The following PRUNE2 variants were observed in gnomAD, a reference collection of about 807,000 sequenced individuals.
The protein encoded by PRUNE2 is prune homolog 2 with BCH domain.
PRUNE2 carries 164 observed loss-of-function variants against 252.0 expected under a neutral mutation model. The observed-to-expected ratio is 0.65, with a 90% CI of 0.57 to 0.74. PRUNE2 has a LOEUF of 0.74. PRUNE2 is among the 30% of genes least tolerant of loss of function. The pLI, the probability that PRUNE2 is intolerant of heterozygous loss-of-function variation, is 0.00. For synonymous variants in PRUNE2, 1,292 were observed against 1,350.2 expected (o/e 0.96, Z 0.94); for missense variants, 3,495 against 3,711.0 (o/e 0.94, Z 1.51).
intron 17 of PRUNE2, among the ~76,000 whole-genome samples, chr9:76,620,955 T>C (rs1401977280): frequency 6.6e-6 from 1 of 152,230 alleles, no homozygotes; most frequent in African/African-American, 2.4e-5. Flanking sequence ...TTCAGAAGTA[T>C]AATACTTTCT....
chr9:76,765,910 C>T (rs894377112), intron 6 of PRUNE2, among the ~76,000 whole-genome samples: 1 of 152,090 alleles, frequency 6.6e-6, no homozygotes, highest in Non-Finnish European at 1.5e-5. Flanking sequence ...AGGCCAGACG[C>T]GGTGGCTCAC....
rs1456107413 is a variant in PRUNE2, at chr9:76,705,616, G to C, written c.6658C>G (p.Pro2220Ala). The C allele has an allele frequency of 1.9e-5, 30 of 1,613,994 alleles. No homozygotes were observed. Among genetic ancestry groups the C allele is most frequent in the Non-Finnish European group, 2.5e-5 (29 of 1,179,888 alleles). ...ASPDMAPILE[P>A]VDRRIPRIEN... is the part of the protein sequence containing the mutation. ...ATCCTTGGGATTCTTCTGTCAACTGGTTCCAAAATTGGTGCCATATCTGGG... is the reference window on the plus strand; with the variant it reads ...ATCCTTGGGATTCTTCTGTCAACTGCTTCCAAAATTGGTGCCATATCTGGG... The change falls in exon 8 of 19, where the codon CCA becomes GCA. Residue 2220 changes from proline (P) to alanine (A), a missense_variant. Pro to Ala is a conservative substitution (Grantham distance 27). Coordinates refer to ENST00000376718, the MANE Select transcript of PRUNE2 (RefSeq NM_015225.3).
At chr9:76,666,336 C>T (rs1267075613) in intron 9 of PRUNE2, among the ~76,000 whole-genome samples, 9 of 152,194 alleles carry the variant, frequency 5.9e-5, no homozygotes, top group South Asian at 2.1e-4. Context: ...GGCCTGACAT[C>T]AGTCAGGCTT....
intron 6 of PRUNE2, chr9:76,748,871 G>C (rs1476700326): frequency 6.6e-6 from 1 of 152,336 alleles, no homozygotes; most frequent in Non-Finnish European, 1.5e-5. Flanking sequence ...GTTCAGTACA[G>C]TGGGTGCAGG....
At chr9:76,775,146 G>A (rs2053600171) in intron 6 of PRUNE2, among the ~76,000 whole-genome samples, 1 of 152,198 alleles carries the variant, frequency 6.6e-6, no homozygotes, top group African/African-American at 2.4e-5. Flanking sequence ...TGGTCGGGGG[G>A]AAAGAAAGGA....
intron 1 of PRUNE2, among the ~76,000 whole-genome samples, chr9:76,868,577 C>A (rs1421960578): frequency 6.6e-6 from 1 of 152,124 alleles, no homozygotes; most frequent in African/African-American, 2.4e-5. Flanking sequence ...ATCACATGTA[C>A]ATGATCATTC....
At chr9:76,900,579 G>A (rs143985829) in intron 1 of PRUNE2, among the ~76,000 whole-genome samples, 48 of 152,222 alleles carry the variant, frequency 3.2e-4, no homozygotes, top group East Asian at 2.3e-3. Flanking sequence ...TCATATCACC[G>A]TCCATAGGAA....
chr9:76,806,677 T>TTA (rs1260855995), intron 6 of PRUNE2, among the ~76,000 whole-genome samples: 2 of 149,466 alleles, frequency 1.3e-5, no homozygotes, highest in Admixed American at 1.3e-4. Context: ...CCGGCTAATT[T>TTA]TTTTTTTTTT....
chr9:76,758,524 C>CA (rs1199018073), intron 6 of PRUNE2: 1 of 143,864 alleles, frequency 7.0e-6, no homozygotes, highest in Non-Finnish European at 1.5e-5. Context: ...TTTTTTTAGA[C>CA]AGAGTCTCAC....
At chr9:76,678,674 A>G (rs2043061176) in intron 9 of PRUNE2, among the ~76,000 whole-genome samples, 1 of 151,252 alleles carries the variant, frequency 6.6e-6, no homozygotes, top group South Asian at 2.1e-4. Context: ...CTAAAAATAC[A>G]AAAAATTAGC....
intron 9 of PRUNE2, among the ~76,000 whole-genome samples, chr9:76,662,696 C>T (rs988604710): frequency 6.6e-6 from 1 of 152,162 alleles, no homozygotes; most frequent in African/African-American, 2.4e-5. Flanking sequence ...ACCACTTTTA[C>T]AAGATTGGCC....
rs573308569 is a variant in PRUNE2 at position 76,666,711 on chromosome 9, G to A, written c.8277-11209C>T. Among the ~76,000 whole-genome samples the A allele has an allele frequency of 9.2e-5, 14 of 152,050 alleles. No individual in the cohort carries two copies. The South Asian group carries it at 1.7e-3, about 18-fold the overall frequency. ...ATTCAGGGCCACTACCAGTCTCCGCGTCTTGGTGGTAGTGGTCCCCCGGGC... is the reference window on the plus strand; with the variant it reads ...ATTCAGGGCCACTACCAGTCTCCGCATCTTGGTGGTAGTGGTCCCCCGGGC... On this transcript the variant is annotated intron_variant, in intron 9 of 18. Coordinates refer to ENST00000376718, the MANE Select transcript of PRUNE2 (RefSeq NM_015225.3).
chr9:76,780,416 G>A (rs1014908600), intron 6 of PRUNE2, among the ~76,000 whole-genome samples: 1 of 152,126 alleles, frequency 6.6e-6, no homozygotes, highest in African/African-American at 2.4e-5. Flanking sequence ...GGCCAGGCAC[G>A]ATGGCTCACG....
At chr9:76,822,311 A>C (rs1236968231) in intron 6 of PRUNE2, among the ~76,000 whole-genome samples, 1 of 152,226 alleles carries the variant, frequency 6.6e-6, no homozygotes, top group African/African-American at 2.4e-5. Context: ...GGTGCCACCA[A>C]ACATCACAGT....
rs753655880 is a variant in PRUNE2 at position 76,704,875 on chromosome 9, C to T, written c.7399G>A (p.Val2467Ile). ...GAGCCTGCTCCTACCGGCAAATAAA[C>T]GGACTCAGGGTCTTCACGAATATGC... ...VLHIREDPESVYLPVGAGSNI... is the reference protein window; with the variant it reads ...VLHIREDPESIYLPVGAGSNI... The change falls in exon 8 of 19, where the codon GTT (valine) becomes ATT (isoleucine). Residue 2467 changes from valine to isoleucine, a missense_variant. By Grantham distance (29) the Val-to-Ile change is conservative. Coordinates refer to ENST00000376718, the MANE Select transcript of PRUNE2 (RefSeq NM_015225.3). The T allele has an allele frequency of 2.0e-5, 32 of 1,606,862 alleles. No individual in the cohort carries two copies. The highest frequency in any genetic ancestry group is 8.5e-5 in the Admixed American group (5 of 59,012).
chr9:76,872,209 A>G (rs929683972), intron 1 of PRUNE2, among the ~76,000 whole-genome samples: 1 of 151,190 alleles, frequency 6.6e-6, no homozygotes, highest in African/African-American at 2.4e-5. Context: ...GCACATTCAA[A>G]CCCTCCCCAC....
chr9:76,691,967 C>T, intron 9 of PRUNE2: 1 of 672,362 alleles, frequency 1.5e-6, no homozygotes, highest in Non-Finnish European at 2.8e-6. Context: ...CCCGTCTCCC[C>T]CGCCAACTTC....
intron 1 of PRUNE2, among the ~76,000 whole-genome samples, chr9:76,880,204 T>C (rs1028247049): frequency 3.3e-5 from 5 of 151,488 alleles, no homozygotes; most frequent in Non-Finnish European, 7.4e-5. Flanking sequence ...TGAGCCACCA[T>C]GCCTGGCCAG....
chr9:76,636,824 T>A (rs1296618950), intron 14 of PRUNE2, among the ~76,000 whole-genome samples: 1 of 152,002 alleles, frequency 6.6e-6, no homozygotes, highest in African/African-American at 2.4e-5. Flanking sequence ...GGCGTGGTGG[T>A]GCCCGCCTGT....
Sources: allele counts gnomAD v4.1 joint callset (sites outside exome capture counted in the v4.1 genomes callset), GRCh38; gene constraint gnomAD v4.1.1; transcripts MANE v1.5; gene names NCBI Gene and HGNC (gene_info 2026-07-23, HGNC 2026-07-21).